COL26A1: variants seen among roughly 807,000 people sequenced by gnomAD.
COL26A1 encodes collagen alpha-1(XXVI) chain.
Under a neutral mutation model 59.3 loss-of-function variants are expected in COL26A1, and 41 were observed. The observed-to-expected ratio is 0.69, with a 90% CI of 0.54 to 0.90. The LOEUF is 0.90. Among genes scored for constraint, COL26A1 ranks in the 40% least tolerant of loss-of-function variants. The pLI, the probability that COL26A1 is intolerant of heterozygous loss-of-function variation, is 0.00. For synonymous variants in COL26A1, 266 were observed against 256.0 expected, an observed-to-expected ratio of 1.04 and a Z score of -0.37; for missense variants, 612 against 602.3, an observed-to-expected ratio of 1.02 and a Z score of -0.17.
chr7:101,487,806 G>A (rs1288875018), intron 3 of COL26A1, among the ~76,000 whole-genome samples: 1 of 152,194 alleles, frequency 6.6e-6, no homozygotes, highest in African/African-American at 2.4e-5. Context: ...ACCTTCAGGG[G>A]CAGGTTTGGC....
intron 6 of COL26A1, among the ~76,000 whole-genome samples, chr7:101,544,693 TG>T (rs1460661318): frequency 4.0e-5 from 6 of 151,440 alleles, no homozygotes; most frequent in Admixed American, 1.3e-4. Flanking sequence ...CCACCATGCC[TG>T]GCTAATTTTT....
chr7:101,414,026 G>A (rs969360706), intron 1 of COL26A1, among the ~76,000 whole-genome samples: 6 of 152,136 alleles, frequency 3.9e-5, no homozygotes, highest in Admixed American at 2.6e-4. Flanking sequence ...CACTCAGGAC[G>A]CAGGGATCCT....
chr7:101,413,465 G>C (rs1368813379), intron 1 of COL26A1, among the ~76,000 whole-genome samples: 1 of 151,790 alleles, frequency 6.6e-6, no homozygotes, highest in East Asian at 1.9e-4. Flanking sequence ...GCTGTAATGA[G>C]CTGAGATCAT....
intron 1 of COL26A1, among the ~76,000 whole-genome samples, chr7:101,364,252 A>G (rs923725446): frequency 2.6e-5 from 4 of 152,068 alleles, no homozygotes; most frequent in Non-Finnish European, 5.9e-5. Context: ...AGCTTTTCTC[A>G]TTTAGTGATA....
Position 101,547,219 on chromosome 7 carries a change from G to A in COL26A1, c.920G>A (p.Arg307Gln), listed in dbSNP as rs758312735. 1.9e-5 allele frequency: 30 copies of A among 1,585,328 alleles called. No individual in the cohort carries two copies. The highest frequency in any genetic ancestry group is 5.4e-5 in the African/African-American group (4 of 74,112). Residue 307 changes from arginine to glutamine, a missense_variant, in exon 8 of 13, where the codon CGG becomes CAG. Coordinates refer to ENST00000313669, the MANE Select transcript of COL26A1 (RefSeq NM_001278563.3). ...DTVLAGVPGP[R>Q]GPPGPPGPPG... The stretch of plus-strand genomic sequence containing the variant: ...GTGCTGGCAGGTGTCCCAGGACCCC[G>A]GGGTCCCCCTGGTCCACCAGGTAAG...
chr7:101,385,250 TACAC>T lies in COL26A1; in HGVS notation c.158+22070_158+22073del, dbSNP rs1268606163. ...CACACACTATATATATATATATATA[TACAC>T]ACACACACATATATATGTGTATATA... On this transcript the variant is annotated intron_variant, in intron 1 of 12. Transcript: ENST00000313669. Among the ~76,000 whole-genome samples the T allele has an allele frequency of 1.4e-4, 21 of 147,820 alleles. No homozygotes were observed. In the South Asian group the frequency reaches 3.2e-3, roughly 23 times the overall value.
chr7:101,519,852 G>A (rs887418530), intron 3 of COL26A1, among the ~76,000 whole-genome samples: 5 of 152,190 alleles, frequency 3.3e-5, no homozygotes, highest in African/African-American at 1.2e-4. Context: ...GCTGAGAGCA[G>A]ATGGATCACA....
chr7:101,430,028 T>C (rs541113528), intron 2 of COL26A1, among the ~76,000 whole-genome samples: 2 of 152,288 alleles, frequency 1.3e-5, no homozygotes, highest in South Asian at 2.1e-4. Flanking sequence ...GTATATCTAT[T>C]TGGGGAGAAT....
intron 3 of COL26A1, among the ~76,000 whole-genome samples, chr7:101,532,141 C>A (rs1242910126): frequency 6.6e-6 from 1 of 152,054 alleles, no homozygotes; most frequent in Non-Finnish European, 1.5e-5. Flanking sequence ...GGTCTCGGGC[C>A]TCGGGGGAGA....
intron 1 of COL26A1, among the ~76,000 whole-genome samples, chr7:101,380,575 A>AT (rs1412650685): frequency 1.3e-5 from 2 of 151,944 alleles, no homozygotes; most frequent in African/African-American, 4.8e-5. Flanking sequence ...TTCTTAATAA[A>AT]TTTGTTTTTA....
At chr7:101,460,436 C>A (rs1390894943) in intron 3 of COL26A1, among the ~76,000 whole-genome samples, 3 of 152,072 alleles carry the variant, frequency 2.0e-5, no homozygotes, top group Non-Finnish European at 4.4e-5. Context: ...TTCTTCCCCA[C>A]TGGCTCTTTC....
intron 3 of COL26A1, among the ~76,000 whole-genome samples, chr7:101,463,885 C>CT (rs748613250): frequency 1.4e-5 from 1 of 71,280 alleles, no homozygotes; most frequent in Non-Finnish European, 2.7e-5. Context: ...TTCTTTCTTT[C>CT]TTTCTTTCTT....
intron 4 of COL26A1, among the ~76,000 whole-genome samples, chr7:101,533,965 C>T (rs77943913): frequency 0.11 from 17,333 of 152,204 alleles, 1,205 homozygotes; most frequent in Middle Eastern, 0.22. Flanking sequence ...CTGAAGGGTG[C>T]GTGTGGGGCG....
Position 101,420,058 on chromosome 7 carries a change from C to T in COL26A1, c.240C>T (p.Tyr80=), listed in dbSNP as rs768914227. 5.6e-6 allele frequency: 9 copies of T among 1,613,082 alleles called. No homozygotes were observed. Among genetic ancestry groups the T allele is most frequent in the Non-Finnish European group, 7.6e-6 (9 of 1,179,844 alleles). Reference sequence around the variant, plus strand: ...CGGAGACGGTGGTCCAGCGCGTGTACCAGAGCTGCCGGTGGCCGGGGCCCT... The same window carrying T: ...CGGAGACGGTGGTCCAGCGCGTGTATCAGAGCTGCCGGTGGCCGGGGCCCT... ...NGSETVVQRV[Y]QSCRWPGPCA... Residue 80 remains tyrosine, a synonymous_variant, in exon 2 of 13, where the codon TAC becomes TAT. Coordinates refer to ENST00000313669, the MANE Select transcript of COL26A1 (RefSeq NM_001278563.3).
rs893106086 is a variant in COL26A1 at position 101,499,626 on chromosome 7, G to A, written c.386-33456G>A. ...TTGAACCTGGGAGGTGGAGGTTACA[G>A]TGAGCTGAGATTGCACCACTACACT... On this transcript the variant is annotated intron_variant, in intron 3 of 12. Coordinates refer to ENST00000313669, the MANE Select transcript of COL26A1 (RefSeq NM_001278563.3). Among the ~76,000 whole-genome samples, 8 of 152,272 alleles carry A rather than the reference G, an allele frequency of 5.3e-5. No homozygotes were observed. The East Asian group carries it at 1.2e-3, about 22-fold the overall frequency.
chr7:101,398,949 G>A (rs1791927789), intron 1 of COL26A1, among the ~76,000 whole-genome samples: 1 of 152,108 alleles, frequency 6.6e-6, no homozygotes, highest in Non-Finnish European at 1.5e-5. Context: ...GAGCCCCTGG[G>A]TGGGCTGCAC....
At chr7:101,491,960 G>A (rs949624581) in intron 3 of COL26A1, among the ~76,000 whole-genome samples, 1 of 152,112 alleles carries the variant, frequency 6.6e-6, no homozygotes, top group Non-Finnish European at 1.5e-5. Context: ...CTGGCATTTG[G>A]GATGCATGTC....
At chr7:101,484,507 AT>A in intron 3 of COL26A1, among the ~76,000 whole-genome samples, 1 of 151,774 alleles carries the variant, frequency 6.6e-6, no homozygotes, top group South Asian at 2.1e-4. Context: ...AGTTGCTGGG[AT>A]TACAGGTGCC....
At chr7:101,551,205 C>A in intron 10 of COL26A1, 62 bp downstream of exon 10, 1 of 838,700 alleles carries the variant, frequency 1.2e-6, no homozygotes, top group South Asian at 1.6e-5. Context: ...GATGCAAGCC[C>A]AGGGCACTGG....
Sources: allele counts gnomAD v4.1 joint callset (sites outside exome capture counted in the v4.1 genomes callset), GRCh38; gene constraint gnomAD v4.1.1; transcripts MANE v1.5; gene names NCBI Gene and HGNC (gene_info 2026-07-23, HGNC 2026-07-21).